Variants in PEBP4 observed in about 807,000 individuals in gnomAD.
PEBP4 encodes phosphatidylethanolamine-binding protein 4.
In PEBP4, 22 loss-of-function variants were observed where a neutral mutation model predicts 23.9. The ratio of observed to expected loss-of-function variants is 0.92; its 90% CI spans 0.66 to 1.31. PEBP4 has a LOEUF of 1.31. PEBP4 is among the 40% of genes most tolerant of loss of function. The pLI is 0.00. For synonymous variants in PEBP4, 112 were observed against 99.3 expected, an observed-to-expected ratio of 1.13 and a Z score of -0.76; for missense variants, 324 against 281.7, an observed-to-expected ratio of 1.15 and a Z score of -1.07.
At chr8:22,778,197 T>C (rs190899490) in intron 4 of PEBP4, among the ~76,000 whole-genome samples, 2 of 152,000 alleles carry the variant, frequency 1.3e-5, no homozygotes, top group Non-Finnish European at 2.9e-5. Context: ...TGATTGTCCA[T>C]CTCGCCCCTC....
intron 3 of PEBP4, among the ~76,000 whole-genome samples, chr8:22,845,893 G>A (rs1302280863): frequency 1.3e-5 from 2 of 152,242 alleles, no homozygotes; most frequent in African/African-American, 4.8e-5. Context: ...CAGAATGAAT[G>A]CGCGAAATGA....
At chr8:22,922,430 A>G (rs919626998) in intron 2 of PEBP4, among the ~76,000 whole-genome samples, 1 of 151,746 alleles carries the variant, frequency 6.6e-6, no homozygotes, top group Non-Finnish European at 1.5e-5. Context: ...TACACTTTAA[A>G]TTTTGCATTC....
At chr8:22,727,503 T>C (rs1804642053) in intron 4 of PEBP4, among the ~76,000 whole-genome samples, 1 of 152,044 alleles carries the variant, frequency 6.6e-6, no homozygotes, top group Non-Finnish European at 1.5e-5. Context: ...ACACCTTCCC[T>C]CTAGAGAGGC....
intron 3 of PEBP4, among the ~76,000 whole-genome samples, chr8:22,864,012 A>G (rs1020614608): frequency 3.9e-5 from 6 of 152,128 alleles, no homozygotes; most frequent in African/African-American, 1.4e-4. Context: ...CCTCACAGCC[A>G]CCAGAATGAT....
intron 6 of PEBP4, among the ~76,000 whole-genome samples, chr8:22,724,292 G>A (rs1336877492): frequency 6.6e-6 from 1 of 152,144 alleles, no homozygotes; most frequent in African/African-American, 2.4e-5. Flanking sequence ...TCGCCATTAG[G>A]AGGCTATAGG....
intron 4 of PEBP4, among the ~76,000 whole-genome samples, chr8:22,777,575 C>T (rs1386358338): frequency 2.6e-5 from 4 of 152,176 alleles, no homozygotes; most frequent in African/African-American, 9.7e-5. Flanking sequence ...GACACTTACC[C>T]CCTGGCTGCC....
At chr8:22,927,371 G>A (rs1294157319) in intron 2 of PEBP4, among the ~76,000 whole-genome samples, 1 of 152,060 alleles carries the variant, frequency 6.6e-6, no homozygotes, top group African/African-American at 2.4e-5. Flanking sequence ...TCCTGGGAGA[G>A]GTGCATTCTG....
chr8:22,920,302 T>G lies in PEBP4; in HGVS notation c.140A>C (p.Glu47Ala). The change falls in exon 3 of 7, where the codon GAA becomes GCA. Residue 47 changes from glutamate to alanine, a missense_variant. Physicochemically the swap from Glu to Ala is moderately radical, Grantham distance 107. Coordinates refer to ENST00000256404, the MANE Select transcript of PEBP4 (RefSeq NM_144962.3). ...DEDTLFCQGL[E>A]VFYPELGNIG... The stretch of plus-strand genomic sequence containing the variant: ...GTTCCCCAACTCTGGGTAGAAAACT[T>G]CAAGGCCCCTATGAAGAGAGAGGGG... 1 of 1,612,928 alleles carries G rather than the reference T, an allele frequency of 6.2e-7. No individual in the cohort carries two copies. Among genetic ancestry groups the G allele is most frequent in the Non-Finnish European group, 8.5e-7 (1 of 1,179,056 alleles).
chr8:22,875,881 T>G (rs1384100255), intron 3 of PEBP4, among the ~76,000 whole-genome samples: 2 of 152,118 alleles, frequency 1.3e-5, no homozygotes, highest in Admixed American at 1.3e-4. Flanking sequence ...GATTTAGAAT[T>G]TTTAGCTTCA....
At position 22,724,927 on chromosome 8, in the gene PEBP4, T is replaced by A; in HGVS notation, c.433A>T (p.Ser145Cys). 3 of 1,614,092 alleles carry A rather than the reference T, an allele frequency of 1.9e-6. No homozygotes were observed. The highest frequency in any genetic ancestry group is 2.5e-6 in the Non-Finnish European group (3 of 1,179,992). ...AAGAACTGGTAGCGATGGAAGCCAC[T>A]GTGTGCCGGTGGGGAGGGAGCCTGG... ...AYQAPSPPAH[S>C]GFHRYQFFVY... The change falls in exon 6 of 7, where the codon AGT (serine) becomes TGT (cysteine). Residue 145 changes from serine to cysteine, a missense_variant. Ser to Cys is a moderately radical substitution (Grantham distance 112, BLOSUM62 -1). Transcript: ENST00000256404.
intron 3 of PEBP4, among the ~76,000 whole-genome samples, chr8:22,900,940 T>A (rs1808698623): frequency 6.6e-6 from 1 of 151,990 alleles, no homozygotes. Context: ...CCGCCACACA[T>A]CAGAAGGACC....
chr8:22,767,687 T>C (rs1291760919), intron 4 of PEBP4, among the ~76,000 whole-genome samples: 11 of 150,436 alleles, frequency 7.3e-5, no homozygotes, highest in Admixed American at 6.0e-4. Flanking sequence ...CGGTGGTGGT[T>C]ACTTGGGTAA....
chr8:22,821,984 C>A (rs866587915), intron 3 of PEBP4, among the ~76,000 whole-genome samples: 63 of 130,924 alleles, frequency 4.8e-4, no homozygotes, highest in South Asian at 1.0e-3. Flanking sequence ...GACCTCGTCT[C>A]AAAAAAAAAA....
intron 3 of PEBP4, among the ~76,000 whole-genome samples, chr8:22,868,970 C>A (rs1807956876): frequency 6.6e-6 from 1 of 152,164 alleles, no homozygotes; most frequent in Non-Finnish European, 1.5e-5. Context: ...GCAAAAGCCA[C>A]CAGACCCTAC....
intron 4 of PEBP4, chr8:22,758,110 T>C (rs1425054079): frequency 6.6e-6 from 1 of 152,252 alleles, no homozygotes; most frequent in Non-Finnish European, 1.5e-5. Flanking sequence ...AAATATTTCA[T>C]CATAAGCTGT....
chr8:22,939,500 A>G (rs1326967313), intron 1 of PEBP4, among the ~76,000 whole-genome samples: 1 of 152,174 alleles, frequency 6.6e-6, no homozygotes, highest in African/African-American at 2.4e-5. Context: ...ATAGTTAAGA[A>G]CAAGAATGTC....
chr8:22,788,627 C>T (rs1022225152), intron 4 of PEBP4, among the ~76,000 whole-genome samples: 1 of 152,204 alleles, frequency 6.6e-6, no homozygotes, highest in Non-Finnish European at 1.5e-5. Context: ...TGCTAGGTCT[C>T]TTTTCAACTC....
At chr8:22,864,929 G>A (rs1469063197) in intron 3 of PEBP4, among the ~76,000 whole-genome samples, 2 of 152,320 alleles carry the variant, frequency 1.3e-5, no homozygotes, top group African/African-American at 2.4e-5. Flanking sequence ...AGGGCGGGAT[G>A]GCGGTGCTGG....
intron 2 of PEBP4, among the ~76,000 whole-genome samples, chr8:22,920,807 G>C (rs1005266661): frequency 6.6e-6 from 1 of 152,192 alleles, no homozygotes; most frequent in African/African-American, 2.4e-5. Flanking sequence ...ACAATCAAGA[G>C]CTCCCCATGC....
Sources: allele counts gnomAD v4.1 joint callset (sites outside exome capture counted in the v4.1 genomes callset), GRCh38; gene constraint gnomAD v4.1.1; transcripts MANE v1.5; gene names NCBI Gene and HGNC (gene_info 2026-07-23, HGNC 2026-07-21).